Variants in MGAT4C observed in about 807,000 individuals in gnomAD.
The protein encoded by MGAT4C is MGAT4 family member C.
In MGAT4C, 19 loss-of-function variants were observed where a neutral mutation model predicts 40.1. The ratio of observed to expected loss-of-function variants is 0.47; its 90% CI spans 0.33 to 0.70. The LOEUF is 0.70. Ranked by LOEUF, MGAT4C falls within the 30% of genes least tolerant of loss-of-function variation. The pLI, the probability that MGAT4C is intolerant of heterozygous loss-of-function variation, is 0.02. For missense variants in MGAT4C, 491 were observed against 563.2 expected (o/e 0.87, Z 1.30); for synonymous variants, 181 against 187.1 (o/e 0.97, Z 0.27).
intron 1 of MGAT4C, among the ~76,000 whole-genome samples, chr12:86,811,240 C>T (rs534951088): frequency 2.0e-5 from 3 of 150,674 alleles, no homozygotes; most frequent in East Asian, 2.0e-4. Flanking sequence ...TTTAAATGAT[C>T]GACTATAAGG....
At chr12:86,614,306 G>A (rs1962379150) in intron 2 of MGAT4C, among the ~76,000 whole-genome samples, 1 of 152,116 alleles carries the variant, frequency 6.6e-6, no homozygotes, top group Non-Finnish European at 1.5e-5. Flanking sequence ...CGAAGGCTGT[G>A]CAGCATGACA....
At chr12:86,829,746 A>C (rs1005146032) in intron 1 of MGAT4C, among the ~76,000 whole-genome samples, 1 of 151,112 alleles carries the variant, frequency 6.6e-6, no homozygotes, top group African/African-American at 2.4e-5. Context: ...TGGAGAAAGA[A>C]AATTGATCAT....
intron 2 of MGAT4C, among the ~76,000 whole-genome samples, chr12:86,694,430 C>T (rs1950221044): frequency 6.6e-6 from 1 of 152,026 alleles, no homozygotes. Flanking sequence ...CATTAGAGAA[C>T]CAGAGCTGCA....
chr12:86,565,905 G>T (rs1351266341), intron 2 of MGAT4C, among the ~76,000 whole-genome samples: 1 of 152,078 alleles, frequency 6.6e-6, no homozygotes, highest in African/African-American at 2.4e-5. Context: ...TTACTCATGG[G>T]GTCAGCAACA....
intron 1 of MGAT4C, among the ~76,000 whole-genome samples, chr12:86,156,104 T>G (rs1278364374): frequency 6.6e-6 from 1 of 152,186 alleles, no homozygotes; most frequent in Non-Finnish European, 1.5e-5. Flanking sequence ...TAAACACACA[T>G]ATATATACAG....
chr12:86,566,594 ATTATATGTATTATTGTAT>A (rs1960131640), intron 2 of MGAT4C, among the ~76,000 whole-genome samples: 1 of 132,416 alleles, frequency 7.6e-6, no homozygotes, highest in Non-Finnish European at 1.6e-5. Context: ...ATATATATGT[ATTATATGTATTATTGTAT>A]TATATATGTA....
intron 1 of MGAT4C, among the ~76,000 whole-genome samples, chr12:86,748,501 C>A (rs572024359): frequency 6.6e-6 from 1 of 151,526 alleles, no homozygotes; most frequent in Non-Finnish European, 1.5e-5. Context: ...TTAGGAAATA[C>A]GTGATAAAAA....
chr12:86,234,124 C>T (rs748084084), intron 1 of MGAT4C, among the ~76,000 whole-genome samples: 4 of 152,032 alleles, frequency 2.6e-5, no homozygotes, highest in Non-Finnish European at 4.4e-5. Context: ...TTAGTACACA[C>T]AGTTCAGATT....
At chr12:86,448,388 A>C (rs544700307) in intron 2 of MGAT4C, among the ~76,000 whole-genome samples, 1 of 152,110 alleles carries the variant, frequency 6.6e-6, no homozygotes, top group South Asian at 2.1e-4. Context: ...TTAAATGCAA[A>C]ATTTACTTTC....
Position 86,279,186 on chromosome 12 carries a change from C to T in MGAT4C, c.-57+54879G>A, listed in dbSNP as rs187909564. On this transcript the variant is annotated intron_variant, in intron 4 of 7. Transcript: ENST00000548651. ...ACTGGCCTTGTAGAATGAGTTTGGA[C>T]GTATTCACTCCTTCTCTATTTTTTG... 2.4e-3 allele frequency among the ~76,000 whole-genome samples: 369 copies of T among 151,956 alleles called. 7 individuals carry two copies. Among genetic ancestry groups the T allele is most frequent in the Admixed American group, 0.021 (314 of 15,272 alleles).
At chr12:86,096,009 T>C (rs1873846218) in intron 1 of MGAT4C, among the ~76,000 whole-genome samples, 1 of 151,892 alleles carries the variant, frequency 6.6e-6, no homozygotes, top group Non-Finnish European at 1.5e-5. Flanking sequence ...TAGCAGTTTG[T>C]CTGTCACCTA....
At chr12:86,315,661 G>A (rs1001316406) in intron 4 of MGAT4C, among the ~76,000 whole-genome samples, 1 of 152,102 alleles carries the variant, frequency 6.6e-6, no homozygotes, top group African/African-American at 2.4e-5. Flanking sequence ...AGCCGAGATC[G>A]CGCCCCTGCA....
chr12:86,703,197 G>T (rs1950394992), intron 2 of MGAT4C, among the ~76,000 whole-genome samples: 1 of 152,102 alleles, frequency 6.6e-6, no homozygotes. Context: ...TTTTTGAGAT[G>T]AAACAAACTG....
At chr12:86,403,173 GT>G (rs1305731406) in intron 3 of MGAT4C, among the ~76,000 whole-genome samples, 1 of 152,156 alleles carries the variant, frequency 6.6e-6, no homozygotes, top group African/African-American at 2.4e-5. Flanking sequence ...TGAGTTATCA[GT>G]AGCACTTTCT....
intron 4 of MGAT4C, among the ~76,000 whole-genome samples, chr12:86,296,448 C>T (rs1265190729): frequency 6.6e-6 from 1 of 152,204 alleles, no homozygotes; most frequent in Non-Finnish European, 1.5e-5. Context: ...CGCCGTGGAG[C>T]AGGGGGCGGC....
chr12:86,738,635 T>G (rs1054433423), intron 1 of MGAT4C, among the ~76,000 whole-genome samples: 1 of 151,298 alleles, frequency 6.6e-6, no homozygotes, highest in African/African-American at 2.4e-5. Context: ...GCGTTACATA[T>G]TGTTCGATTT....
At chr12:86,304,005 G>C (rs1222944025) in intron 4 of MGAT4C, among the ~76,000 whole-genome samples, 1 of 150,228 alleles carries the variant, frequency 6.7e-6, no homozygotes, top group African/African-American at 2.5e-5. Context: ...AGCTTGAGTT[G>C]ATAATAGGTA....
At chr12:86,036,405 G>T (rs1220141698) in intron 2 of MGAT4C, among the ~76,000 whole-genome samples, 5 of 149,978 alleles carry the variant, frequency 3.3e-5, no homozygotes, top group African/African-American at 1.2e-4. Context: ...TTTTCAAAAG[G>T]AATGCTTCCA....
At chr12:86,649,780 T>C (rs1025109644) in intron 2 of MGAT4C, among the ~76,000 whole-genome samples, 1 of 151,868 alleles carries the variant, frequency 6.6e-6, no homozygotes, top group African/African-American at 2.4e-5. Context: ...AATATCAAGA[T>C]CTTAATAATA....
Sources: gnomAD v4.1 joint callset for allele counts (sites outside exome capture counted in the v4.1 genomes callset) on GRCh38, gnomAD v4.1.1 for gene constraint, MANE v1.5 for transcripts, NCBI Gene and HGNC (gene_info 2026-07-23, HGNC 2026-07-21) for gene names.